Variants in SLK observed in about 807,000 individuals in gnomAD.
SLK encodes STE20 like kinase, also known as STE20-like serine/threonine-protein kinase.
In SLK, 67 loss-of-function variants were observed where a neutral mutation model predicts 147.7. The ratio of observed to expected loss-of-function variants is 0.45; its 90% confidence interval spans 0.37 to 0.56. SLK has a LOEUF of 0.56. SLK is among the 20% of genes least tolerant of loss of function. The pLI is 0.00. For synonymous variants in SLK, 441 were observed against 475.0 expected, an observed-to-expected ratio of 0.93 and a Z score of 0.93; for missense variants, 1,136 against 1,438.8, an observed-to-expected ratio of 0.79 and a Z score of 3.41.
rs1843862947 is a variant in SLK at position 103,975,835 on chromosome 10, G to T, written c.150+7940G>T. 2.0e-5 allele frequency among the ~76,000 whole-genome samples: 3 copies of T among 152,160 alleles called. No individual in the cohort carries two copies. In the South Asian group the frequency reaches 6.2e-4, roughly 32 times the overall value. On this transcript the variant is annotated intron_variant, in intron 1 of 18. Coordinates refer to ENST00000369755, the MANE Select transcript of SLK (RefSeq NM_014720.4). ...CACGCCTGTAATCCCAGCACTTTGG[G>T]ATGCCAAGGTGGGAGGGTCACTTGA...
chr10:104,020,977 A>G (rs957778615), intron 17 of SLK, among the ~76,000 whole-genome samples: 5 of 152,152 alleles, frequency 3.3e-5, no homozygotes, highest in African/African-American at 1.2e-4. Flanking sequence ...CTAAATTTAA[A>G]ATTTCTTTTC....
chr10:103,985,446 G>A lies in SLK; in HGVS notation c.151-5229G>A, dbSNP rs559521212. Among the ~76,000 whole-genome samples the A allele has an allele frequency of 7.2e-4, 109 of 152,294 alleles. 3 individuals are homozygous for A. In the South Asian group the frequency reaches 0.022, roughly 30 times the overall value. On this transcript the variant is annotated intron_variant, in intron 1 of 18. Transcript: ENST00000369755. ...TAGTTTTTACATTTTATGGTTAAAT[G>A]TTCTTACACACTGGACAATTAGGCT... is the stretch of plus-strand genomic sequence containing the variant.
At chr10:104,025,478 A>G in intron 18 of SLK, 96 bp from the exon 19 acceptor site, 1 of 1,201,484 alleles carries the variant, frequency 8.3e-7, no homozygotes, top group South Asian at 1.5e-5. Flanking sequence ...ATATACAAAG[A>G]AAGTGTTTTG....
chr10:104,020,561 G>A lies in SLK; in HGVS notation c.3395G>A (p.Arg1132Gln). ...AQHQKHENQM[R>Q]DLQLQCEANV... is the part of the protein sequence containing the mutation. ...CATCAGAAACATGAGAATCAAATGC[G>A]AGATCTTCAGTTGCAGTGTGAAGCC... Residue 1132 changes from arginine (R) to glutamine (Q), a missense_variant, in exon 17 of 19, where the codon CGA (arginine) becomes CAA (glutamine). Arg to Gln is a conservative substitution (Grantham distance 43). Around this residue, in one of 6 missense-constraint regions of SLK, gnomAD observed 327 missense variants for 457.5 expected, o/e 0.71. Coordinates refer to ENST00000369755, the MANE Select transcript of SLK (RefSeq NM_014720.4). 3 of 1,613,916 alleles carry A rather than the reference G, an allele frequency of 1.9e-6. No homozygotes were observed. The highest frequency in any genetic ancestry group is 1.1e-5 in the South Asian group (1 of 91,036).
At chr10:103,987,593 A>G (rs951261196) in intron 1 of SLK, among the ~76,000 whole-genome samples, 3 of 152,232 alleles carry the variant, frequency 2.0e-5, no homozygotes, top group African/African-American at 7.2e-5. Context: ...ATTAACTTTA[A>G]AAAATTTAGT....
intron 1 of SLK, among the ~76,000 whole-genome samples, chr10:103,978,318 A>G (rs1490941745): frequency 1.3e-5 from 2 of 152,136 alleles, no homozygotes; most frequent in Non-Finnish European, 2.9e-5. Flanking sequence ...CTGTATTTAA[A>G]TTCACACAGA....
At chr10:104,021,931 G>A (rs1000379249) in intron 18 of SLK, among the ~76,000 whole-genome samples, 198 bp downstream of exon 18, 8 of 152,250 alleles carry the variant, frequency 5.3e-5, no homozygotes, top group Middle Eastern at 3.4e-3. Flanking sequence ...TCTGAAGGAG[G>A]TGAGTACAGG....
chr10:104,017,187 GAATT>G (rs1325935232), intron 13 of SLK, among the ~76,000 whole-genome samples: 3 of 152,190 alleles, frequency 2.0e-5, no homozygotes, highest in Non-Finnish European at 4.4e-5. Flanking sequence ...TTTGTTGAAT[GAATT>G]AGTGAATCCG....
chr10:104,006,947 A>T (rs1157308686), intron 11 of SLK, among the ~76,000 whole-genome samples: 1 of 152,200 alleles, frequency 6.6e-6, no homozygotes, highest in Non-Finnish European at 1.5e-5. Context: ...AAAAGAAAAC[A>T]TCCATTACAA....
In SLK at chr10:103,985,208, C is replaced by A. The variant is rs564057765; in HGVS notation, c.151-5467C>A. ...GTATGCAAGGAAAAAACATAGTATACATAGGGTTTAGTACTATCCAAGGTT... is the reference window on the plus strand; with the variant it reads ...GTATGCAAGGAAAAAACATAGTATAAATAGGGTTTAGTACTATCCAAGGTT... On this transcript the variant is annotated intron_variant, in intron 1 of 18. Coordinates refer to ENST00000369755, the MANE Select transcript of SLK (RefSeq NM_014720.4). Among the ~76,000 whole-genome samples, 5 of 152,270 alleles carry A rather than the reference C, an allele frequency of 3.3e-5. No individual in the cohort carries two copies. The South Asian group carries it at 1.0e-3, about 32-fold the overall frequency.
chr10:103,999,770 C>A (rs1844221139), intron 6 of SLK, 97 bp from the exon 7 acceptor site: 1 of 567,660 alleles, frequency 1.8e-6, no homozygotes. Flanking sequence ...AATACTATTA[C>A]ATACATAATG....
chr10:104,016,180 G>A (rs1313415126), intron 13 of SLK, among the ~76,000 whole-genome samples: 4 of 152,060 alleles, frequency 2.6e-5, no homozygotes, highest in Admixed American at 6.6e-5. Flanking sequence ...TTAGCTGGGC[G>A]TGGTGGTGGG....
chr10:103,967,967 T>A (rs1311814096), intron 1 of SLK, 72 bp downstream of exon 1: 1 of 1,473,538 alleles, frequency 6.8e-7, no homozygotes, highest in Non-Finnish European at 9.4e-7. Context: ...CGGGAGGACT[T>A]CTGCTCCCCT....
rs1844390450 is a variant in SLK, at chr10:104,010,855, A to G, written c.2824A>G (p.Lys942Glu). ...EVEKAPKELR[K>E]ELMKRRKEEL... ...GGAGAAAGCACCCAAAGAGCTGAGA[A>G]AAGAGCTCATGAAACGCAGGAAAGA... Residue 942 changes from lysine to glutamate, a missense_variant, in exon 13 of 19, where the codon AAA (lysine) becomes GAA (glutamate). By Grantham distance (56) the Lys-to-Glu change is moderately conservative. Around this residue, in one of 6 missense-constraint regions of SLK, gnomAD observed 327 missense variants for 457.5 expected, o/e 0.71. Transcript: ENST00000369755. 1 of 1,598,954 alleles carries G rather than the reference A, an allele frequency of 6.3e-7. No individual in the cohort carries two copies. The highest frequency in any genetic ancestry group is 1.4e-5 in the African/African-American group (1 of 73,784).
At chr10:103,994,894 C>A (rs1337821784) in intron 4 of SLK, among the ~76,000 whole-genome samples, 1 of 152,286 alleles carries the variant, frequency 6.6e-6, no homozygotes, top group East Asian at 1.9e-4. Context: ...CAAGCCTGAT[C>A]CTTTGGCAAG....
chr10:103,974,826 A>ATTT (rs749565693), intron 1 of SLK: 1,590 of 55,462 alleles, frequency 0.029, 269 homozygotes, highest in African/African-American at 0.12. Context: ...AATTTTTTCT[A>ATTT]TTTTTTTTTT....
At chr10:103,972,497 C>A (rs939994839) in intron 1 of SLK, among the ~76,000 whole-genome samples, 1 of 152,022 alleles carries the variant, frequency 6.6e-6, no homozygotes, top group Non-Finnish European at 1.5e-5. Context: ...ACGGTGAAAC[C>A]CCGTCTCTAC....
At chr10:103,971,662 T>C (rs1171750571) in intron 1 of SLK, among the ~76,000 whole-genome samples, 2 of 152,248 alleles carry the variant, frequency 1.3e-5, no homozygotes, top group Non-Finnish European at 2.9e-5. Flanking sequence ...ATTTTATCTA[T>C]TAAACCAGTT....
chr10:104,020,301 A>C (rs1376238987), intron 16 of SLK, among the ~76,000 whole-genome samples, 187 bp from the exon 17 acceptor site: 1 of 152,250 alleles, frequency 6.6e-6, no homozygotes, highest in African/African-American at 2.4e-5. Context: ...AGGAGGATCA[A>C]GGTTTTAATC....
Sources: allele counts gnomAD v4.1 joint callset (sites outside exome capture counted in the v4.1 genomes callset), GRCh38; gene constraint gnomAD v4.1.1; regional missense constraint gnomAD v4.1.1; transcripts MANE v1.5; gene names NCBI Gene and HGNC (gene_info 2026-07-23, HGNC 2026-07-21).